The following NPAS3 variants were observed in gnomAD, a reference collection of about 807,000 sequenced individuals.
The protein encoded by NPAS3 is neuronal PAS domain protein 3.
In NPAS3, 14 loss-of-function variants were observed where a neutral mutation model predicts 73.1. That is an observed-to-expected ratio of 0.19 (90% CI 0.13 to 0.30). The LOEUF is 0.30. Among genes scored for constraint, NPAS3 ranks in the 10% least tolerant of loss-of-function variants. NPAS3 has a pLI of 1.00. For synonymous variants in NPAS3, 620 were observed against 541.5 expected, an observed-to-expected ratio of 1.14 and a Z score of -2.01; for missense variants, 1,096 against 1,250.0, an observed-to-expected ratio of 0.88 and a Z score of 1.86.
intron 3 of NPAS3, among the ~76,000 whole-genome samples, chr14:33,312,327 T>C (rs1188327617): frequency 6.6e-6 from 1 of 152,092 alleles, no homozygotes; most frequent in Non-Finnish European, 1.5e-5. Context: ...CCAGGTTGCA[T>C]TTGTAATGAG....
chr14:33,079,025 A>G (rs980941150), intron 2 of NPAS3, among the ~76,000 whole-genome samples: 10 of 152,296 alleles, frequency 6.6e-5, no homozygotes, highest in African/African-American at 2.4e-4. Context: ...TTTGCTGGTA[A>G]TAGTTGACTT....
chr14:32,968,770 T>TC (rs1282194668), intron 1 of NPAS3, among the ~76,000 whole-genome samples: 2 of 40,780 alleles, frequency 4.9e-5, no homozygotes, highest in Admixed American at 4.1e-4. Context: ...ACTACTTTCT[T>TC]TCTTTTTTTT....
chr14:33,281,927 A>G (rs1009707043), intron 3 of NPAS3, among the ~76,000 whole-genome samples: 13 of 152,174 alleles, frequency 8.5e-5, no homozygotes, highest in African/African-American at 3.1e-4. Flanking sequence ...GTATGGGGTA[A>G]TCAAACCTGT....
intron 3 of NPAS3, among the ~76,000 whole-genome samples, chr14:33,366,142 C>T (rs1446312075): frequency 1.3e-5 from 2 of 152,074 alleles, no homozygotes; most frequent in East Asian, 3.9e-4. Context: ...TACGTCACTT[C>T]CCTCTTTTGT....
chr14:33,056,916 T>G (rs565269377), intron 2 of NPAS3, among the ~76,000 whole-genome samples: 1 of 152,348 alleles, frequency 6.6e-6, no homozygotes, highest in South Asian at 2.1e-4. Flanking sequence ...TGTGTTTTTG[T>G]CTTCACACTC....
intron 1 of NPAS3, among the ~76,000 whole-genome samples, chr14:33,051,145 G>C (rs537279957): frequency 5.3e-4 from 80 of 151,240 alleles, no homozygotes; most frequent in African/African-American, 1.8e-3. Context: ...GCGGTGGCGG[G>C]CGCCTGTAGT....
intron 3 of NPAS3, among the ~76,000 whole-genome samples, chr14:33,328,624 A>AT (rs1444357097): frequency 6.6e-6 from 1 of 151,130 alleles, no homozygotes; most frequent in Non-Finnish European, 1.5e-5. Flanking sequence ...CGCCCGGCTA[A>AT]TTTTTTGTAT....
At chr14:33,488,465 G>A (rs369792237) in intron 4 of NPAS3, among the ~76,000 whole-genome samples, 11 of 152,136 alleles carry the variant, frequency 7.2e-5, no homozygotes, top group African/African-American at 2.2e-4. Flanking sequence ...GTCTGAGAGC[G>A]AGCCTATCTG....
Position 33,409,377 on chromosome 14 carries a change from CT to C in NPAS3, c.468+42111del, listed in dbSNP as rs377054953. 1.2e-3 allele frequency among the ~76,000 whole-genome samples: 189 copies of C among 152,142 alleles called. 1 individual carries two copies. The highest frequency in any genetic ancestry group is 4.3e-3 in the African/African-American group (178 of 41,522). ...AAAAATATCCCTTAACAAAAATCTG[CT>C]TATAATTTATGTTAAAATAAATATA... On this transcript the variant is annotated intron_variant, in intron 4 of 11. Transcript: ENST00000356141.
At chr14:33,259,490 A>G (rs762369298) in intron 3 of NPAS3, among the ~76,000 whole-genome samples, 9 of 152,170 alleles carry the variant, frequency 5.9e-5, no homozygotes, top group Non-Finnish European at 1.3e-4. Context: ...CCTGATAGCT[A>G]TTTCTTATAC....
At chr14:33,353,069 A>G (rs754425663) in intron 3 of NPAS3, among the ~76,000 whole-genome samples, 1 of 152,018 alleles carries the variant, frequency 6.6e-6, no homozygotes, top group Non-Finnish European at 1.5e-5. Context: ...TTATATAAAC[A>G]TTTTTGAAAT....
intron 1 of NPAS3, among the ~76,000 whole-genome samples, chr14:33,018,036 CAA>C (rs34755412): frequency 0.095 from 14,343 of 150,430 alleles, 1,051 homozygotes; most frequent in East Asian, 0.2. Context: ...AAACAGCAAA[CAA>C]AAAAAAAGAA....
intron 3 of NPAS3, among the ~76,000 whole-genome samples, chr14:33,262,328 A>C (rs967675694): frequency 6.6e-6 from 1 of 152,194 alleles, no homozygotes; most frequent in Non-Finnish European, 1.5e-5. Context: ...AGTGTAGGCA[A>C]TACAGTTCTA....
chr14:33,570,165 C>T (rs930520218), intron 5 of NPAS3, among the ~76,000 whole-genome samples: 1 of 152,182 alleles, frequency 6.6e-6, no homozygotes, highest in East Asian at 1.9e-4. Flanking sequence ...AGAGGCATTC[C>T]ATTTTAAGAT....
intron 6 of NPAS3, among the ~76,000 whole-genome samples, chr14:33,728,407 A>G (rs1427665084): frequency 6.6e-6 from 1 of 152,212 alleles, no homozygotes. Flanking sequence ...AATGATTCAC[A>G]AGTTTCTAAA....
At chr14:33,417,586 G>C (rs2048198815) in intron 4 of NPAS3, among the ~76,000 whole-genome samples, 1 of 151,984 alleles carries the variant, frequency 6.6e-6, no homozygotes, top group Admixed American at 6.6e-5. Flanking sequence ...TTATTTTGAG[G>C]AATAAATGCA....
At chr14:33,270,729 T>C (rs2041035293) in intron 3 of NPAS3, among the ~76,000 whole-genome samples, 1 of 152,242 alleles carries the variant, frequency 6.6e-6, no homozygotes. Context: ...AAAATAACTT[T>C]GTGGCTTTAG....
In NPAS3 at chr14:33,502,352, C is replaced by T. The variant is rs140044646; in HGVS notation, c.469-57769C>T. 5.9e-5 allele frequency among the ~76,000 whole-genome samples: 9 copies of T among 151,808 alleles called. No individual in the cohort carries two copies. In the East Asian group the frequency reaches 1.6e-3, roughly 26 times the overall value. On this transcript the variant is annotated intron_variant, in intron 4 of 11. Coordinates refer to ENST00000356141, the Ensembl canonical transcript of NPAS3. Reference sequence around the variant, plus strand: ...GAGAAGGATCCTTCTATGCTGCTAGCGCCCTGGCATTTACATCTAGCTTCT... The same window carrying T: ...GAGAAGGATCCTTCTATGCTGCTAGTGCCCTGGCATTTACATCTAGCTTCT...
intron 1 of NPAS3, among the ~76,000 whole-genome samples, chr14:32,989,672 A>AC (rs2038248381): frequency 1.4e-5 from 2 of 143,928 alleles, no homozygotes; most frequent in Non-Finnish European, 3.0e-5. Context: ...AACAACAACA[A>AC]AACAAAACAA....
Sources: gnomAD v4.1 joint callset for allele counts (sites outside exome capture counted in the v4.1 genomes callset) on GRCh38, gnomAD v4.1.1 for gene constraint, MANE v1.5 for transcripts, NCBI Gene and HGNC (gene_info 2026-07-23, HGNC 2026-07-21) for gene names.